ATP2C1: variants seen among roughly 807,000 people sequenced by gnomAD.
ATP2C1 encodes calcium-transporting ATPase type 2C member 1.
Under a neutral mutation model 120.5 loss-of-function variants are expected in ATP2C1, and 31 were observed. That is an observed-to-expected ratio of 0.26 (90% CI 0.19 to 0.35). The LOEUF (loss-of-function observed/expected upper bound fraction) is 0.35. ATP2C1 is among the 10% of genes least tolerant of loss of function. The pLI, the probability that ATP2C1 is intolerant of heterozygous loss-of-function variation, is 1.00. For missense variants in ATP2C1, 731 were observed against 1,107.5 expected (o/e 0.66, Z 4.83); for synonymous variants, 351 against 358.7 (o/e 0.98, Z 0.24).
chr3:130,941,035 C>G (rs2059876612), intron 7 of ATP2C1, among the ~76,000 whole-genome samples: 1 of 150,926 alleles, frequency 6.6e-6, no homozygotes, highest in Non-Finnish European at 1.5e-5. Context: ...TTGCCTCAGC[C>G]TCCTGAGTAG....
chr3:130,961,468 A>T (rs1006601605), intron 12 of ATP2C1, among the ~76,000 whole-genome samples: 3 of 151,936 alleles, frequency 2.0e-5, no homozygotes, highest in African/African-American at 7.2e-5. Context: ...CTCTTTCTTG[A>T]AGTATTTTAC....
intron 1 of ATP2C1, among the ~76,000 whole-genome samples, chr3:130,867,543 CG>C (rs2068226168): frequency 6.7e-6 from 1 of 149,002 alleles, no homozygotes; most frequent in Non-Finnish European, 1.5e-5. Context: ...CCGCCAGCCT[CG>C]GCCTCCCGAG....
chr3:130,885,026 T>C (rs1014721573), intron 1 of ATP2C1, among the ~76,000 whole-genome samples: 3 of 150,814 alleles, frequency 2.0e-5, no homozygotes, highest in African/African-American at 7.3e-5. Context: ...CTCCGCCTCC[T>C]GGGTTCAAGC....
At chr3:130,926,952 G>A (rs1031869188) in intron 2 of ATP2C1, among the ~76,000 whole-genome samples, 2 of 152,180 alleles carry the variant, frequency 1.3e-5, no homozygotes, top group African/African-American at 4.8e-5. Flanking sequence ...TATAAACACG[G>A]ATGTACATAT....
intron 8 of ATP2C1, among the ~76,000 whole-genome samples, chr3:130,947,353 A>G (rs1489450232): frequency 6.6e-6 from 1 of 152,186 alleles, no homozygotes; most frequent in East Asian, 1.9e-4. Flanking sequence ...GTATATTCAC[A>G]GTTGTACACC....
rs577387530 is a variant in ATP2C1 at position 130,969,992 on chromosome 3, C to A, written c.1413+596C>A. On this transcript the variant is annotated intron_variant, in intron 17 of 27. Transcript: ENST00000510168. Reference sequence around the variant, plus strand: ...ATTATATCACTCATAGTTGCTATTACCAGCTTGATGATGAAACTTAACTTT... The same window carrying A: ...ATTATATCACTCATAGTTGCTATTAACAGCTTGATGATGAAACTTAACTTT... Among the ~76,000 whole-genome samples, 8 of 152,220 alleles carry A rather than the reference C, an allele frequency of 5.3e-5. No individual in the cohort carries two copies. In the East Asian group the frequency reaches 5.8e-4, roughly 11 times the overall value.
In ATP2C1 at chr3:130,969,353, A is replaced by G; in HGVS notation, c.1370A>G (p.Glu457Gly). 6.2e-7 allele frequency: 1 copy of G among 1,613,990 alleles called. No homozygotes were observed. Among genetic ancestry groups the G allele is most frequent in the Non-Finnish European group, 8.5e-7 (1 of 1,179,912 alleles). Residue 457 changes from glutamate to glycine, a missense_variant, in exon 17 of 28, where the codon GAG (glutamate) becomes GGG (glycine). Glu to Gly is a moderately conservative substitution (Grantham distance 98). Around this residue, in one of 3 missense-constraint regions of ATP2C1, gnomAD observed 571 missense variants for 845.9 expected, o/e 0.67. Transcript: ENST00000510168. ...IRKAEYPFSSEQKWMAVKCVH... is the reference protein window; with the variant it reads ...IRKAEYPFSSGQKWMAVKCVH... ...AAAGCTGAATACCCTTTTAGCTCTG[A>G]GCAAAAGTGGATGGCTGTTAAGTGT...
downstream of ATP2C1, among the ~76,000 whole-genome samples, chr3:131,006,566 CT>C (rs2063119267): frequency 6.6e-6 from 1 of 151,940 alleles, no homozygotes; most frequent in African/African-American, 2.4e-5. Context: ...AGAATCAGAG[CT>C]TTTACCTCTA....
Position 131,001,361 on chromosome 3 carries a change from A to G in ATP2C1, c.*11A>G. 1 of 1,611,842 alleles carries G rather than the reference A, an allele frequency of 6.2e-7. No homozygotes were observed. The highest frequency in any genetic ancestry group is 8.5e-7 in the Non-Finnish European group (1 of 1,178,748). On this transcript the variant is annotated 3_prime_UTR_variant, in exon 28 of 28. Coordinates refer to ENST00000510168, the MANE Select transcript of ATP2C1 (RefSeq NM_001378687.1). ...TTTCTTGAAGTATGATGCATATTGC[A>G]TTATTTTATTTGCAAACTAGGAATT...
intron 8 of ATP2C1, among the ~76,000 whole-genome samples, chr3:130,945,903 T>G (rs1399494425): frequency 6.8e-6 from 1 of 147,144 alleles, no homozygotes; most frequent in African/African-American, 2.5e-5. Context: ...GGTTGTGGGT[T>G]TTTTTTTTTT....
At chr3:130,992,110 C>T (rs1364838681) in intron 20 of ATP2C1, among the ~76,000 whole-genome samples, 1 of 152,162 alleles carries the variant, frequency 6.6e-6, no homozygotes, top group Non-Finnish European at 1.5e-5. Flanking sequence ...TGAATGCTTA[C>T]AGTTAGTGAG....
intron 26 of ATP2C1, among the ~76,000 whole-genome samples, chr3:131,009,628 A>C (rs1188459966): frequency 1.3e-5 from 2 of 152,156 alleles, no homozygotes; most frequent in Non-Finnish European, 2.9e-5. Context: ...CTTAACATGA[A>C]GTTCTCGTCT....
intron 1 of ATP2C1, among the ~76,000 whole-genome samples, chr3:130,883,927 CTTTCTT>C (rs994775191): frequency 7.1e-6 from 1 of 141,244 alleles, no homozygotes; most frequent in Non-Finnish European, 1.5e-5. Flanking sequence ...TTCTTTCTTT[CTTTCTT>C]TTTCTTTTCT....
intron 2 of ATP2C1, chr3:130,918,762 C>G: frequency 2.6e-6 from 1 of 381,398 alleles, no homozygotes; most frequent in Non-Finnish European, 5.1e-6. Flanking sequence ...GAGGCCGAGG[C>G]GGGCGGATCA....
intron 2 of ATP2C1, chr3:130,928,141 C>G (rs2059298505): frequency 6.6e-6 from 1 of 152,286 alleles, no homozygotes; most frequent in South Asian, 2.1e-4. Context: ...CTACTCCACG[C>G]AGTACTCATG....
intron 4 of ATP2C1, among the ~76,000 whole-genome samples, chr3:130,933,914 C>T (rs1330907364): frequency 2.0e-5 from 3 of 152,124 alleles, no homozygotes; most frequent in Non-Finnish European, 4.4e-5. Context: ...TCTTTTTAGC[C>T]TAATTACTTT....
intron 2 of ATP2C1, among the ~76,000 whole-genome samples, chr3:130,902,072 G>A (rs980482256): frequency 1.3e-5 from 2 of 151,932 alleles, no homozygotes; most frequent in African/African-American, 4.8e-5. Context: ...TCTAACAAAC[G>A]GCAAGGAAGT....
rs752460609 is a variant in ATP2C1 at position 130,964,122 on chromosome 3, T to C, written c.1024+27T>C. ...TAAGTCTGTGTTAAGAGCATTCTTA[T>C]GCAATGATGCGTAAGTTTATGTCAA... On this transcript the variant is annotated intron_variant, in intron 13 of 27. Coordinates refer to ENST00000510168, the MANE Select transcript of ATP2C1 (RefSeq NM_001378687.1). 7.4e-6 allele frequency: 12 copies of C among 1,610,910 alleles called. No individual in the cohort carries two copies. In the East Asian group the frequency reaches 1.6e-4, roughly 21 times the overall value.
intron 8 of ATP2C1, among the ~76,000 whole-genome samples, chr3:130,948,295 T>C (rs1266388662): frequency 6.6e-6 from 1 of 152,140 alleles, no homozygotes; most frequent in Non-Finnish European, 1.5e-5. Context: ...TAAAAATTTC[T>C]CCTTCATTTT....
Sources: allele counts gnomAD v4.1 joint callset (sites outside exome capture counted in the v4.1 genomes callset), GRCh38; gene constraint gnomAD v4.1.1; regional missense constraint gnomAD v4.1.1; transcripts MANE v1.5; gene names NCBI Gene and HGNC (gene_info 2026-07-23, HGNC 2026-07-21).